Variants in TPX2 observed in about 807,000 individuals in gnomAD.
The protein encoded by TPX2 is TPX2 microtubule nucleation factor, also known as targeting protein for Xklp2.
In TPX2, 21 loss-of-function variants were observed where a neutral mutation model predicts 93.6. The observed-to-expected ratio is 0.22, with a 90% CI of 0.16 to 0.32. The LOEUF (loss-of-function observed/expected upper bound fraction) is 0.32. Ranked by LOEUF, TPX2 falls within the 10% of genes least tolerant of loss-of-function variation. The pLI is 1.00. For synonymous variants in TPX2, 281 were observed against 298.3 expected, an observed-to-expected ratio of 0.94 and a Z score of 0.60; for missense variants, 776 against 871.1, an observed-to-expected ratio of 0.89 and a Z score of 1.37.
Position 31,801,100 on chromosome 20 carries a change from A to G in TPX2, c.*20A>G. 1 of 1,608,824 alleles carries G rather than the reference A, an allele frequency of 6.2e-7. No homozygotes were observed. The highest frequency in any genetic ancestry group is 2.2e-5 in the East Asian group (1 of 44,860). On this transcript the variant is annotated 3_prime_UTR_variant, in exon 18 of 18. Transcript: ENST00000300403. ...TGCTAAACTCAGCTGTGAGCTGCGG[A>G]TACCGCCCGGCAATGGGACCTGCTC...
At chr20:31,790,821 G>T (rs2062095799) in intron 12 of TPX2, among the ~76,000 whole-genome samples, 1 of 152,184 alleles carries the variant, frequency 6.6e-6, no homozygotes, top group Admixed American at 6.5e-5. Flanking sequence ...ACTCAGGCTA[G>T]CAGGGGGAAA....
At chr20:31,795,717 T>C (rs536773820) in intron 15 of TPX2, among the ~76,000 whole-genome samples, 1 of 152,398 alleles carries the variant, frequency 6.6e-6, no homozygotes, top group Non-Finnish European at 1.5e-5. Context: ...GAGAATAGAT[T>C]GAAATATACA....
intron 2 of TPX2, among the ~76,000 whole-genome samples, chr20:31,752,113 G>A (rs975112231): frequency 2.0e-5 from 3 of 152,062 alleles, no homozygotes; most frequent in Non-Finnish European, 1.5e-5. Context: ...GAAGTCTAGA[G>A]GTATATAGTA....
At chr20:31,764,054 C>T (rs2061908057) in intron 4 of TPX2, among the ~76,000 whole-genome samples, 2 of 151,678 alleles carry the variant, frequency 1.3e-5, no homozygotes, top group Non-Finnish European at 2.9e-5. Flanking sequence ...TATACACACA[C>T]ACATACACAC....
intron 9 of TPX2, 126 bp downstream of exon 9, chr20:31,777,764 G>T: frequency 4.1e-6 from 4 of 981,650 alleles, no homozygotes; most frequent in Non-Finnish European, 5.6e-6. Context: ...ATAAAGTTGT[G>T]TAAAATATAA....
At chr20:31,782,515 T>TGCAGAGCCTACTA in intron 11 of TPX2, 125 bp downstream of exon 11, 2 of 1,243,088 alleles carry the variant, frequency 1.6e-6, no homozygotes, top group Non-Finnish European at 2.2e-6. Flanking sequence ...AGTAGTAGGC[T>TGCAGAGCCTACTA]CTGCAGGCTA....
At chr20:31,779,016 G>T in intron 10 of TPX2, 32 bp downstream of exon 10, 1 of 1,527,188 alleles carries the variant, frequency 6.5e-7, no homozygotes, top group Non-Finnish European at 8.8e-7. Context: ...CAGTTGGATG[G>T]AACCTCTCCT....
chr20:31,745,495 T>C (rs921010917), intron 2 of TPX2, among the ~76,000 whole-genome samples: 1 of 152,132 alleles, frequency 6.6e-6, no homozygotes, highest in African/African-American at 2.4e-5. Context: ...ACCTGGCTAA[T>C]TTTTGTATTT....
chr20:31,775,973 G>A lies in TPX2; in HGVS notation c.715G>A (p.Ala239Thr). 6.6e-7 allele frequency: 1 copy of A among 1,520,996 alleles called. No homozygotes were observed. The highest frequency in any genetic ancestry group is 8.9e-7 in the Non-Finnish European group (1 of 1,124,890). The allele number at this position is 1,520,996 out of a possible 1,614,324, so 94.2% of individuals were successfully genotyped here. ...RKKNEEFKKL[A>T]LAGIGQPVKK... Reference sequence around the variant, plus strand: ...AAAGAATGAAGAATTCAAGAAACTTGCTCTGGCTGGAATAGGTGAGCTTGG... The same window carrying A: ...AAAGAATGAAGAATTCAAGAAACTTACTCTGGCTGGAATAGGTGAGCTTGG... Residue 239 changes from alanine (A) to threonine (T), a missense_variant, in exon 8 of 18, where the codon GCT becomes ACT. Ala to Thr is a moderately conservative substitution (Grantham distance 58). This residue lies in a region of TPX2 where 279 missense variants were observed against 261.6 expected (regional missense o/e 1.07). Transcript: ENST00000300403.
chr20:31,746,856 A>G (rs73903643), intron 2 of TPX2, among the ~76,000 whole-genome samples: 3,386 of 152,300 alleles, frequency 0.022, 130 homozygotes, highest in African/African-American at 0.076. Context: ...AATCTTCCTA[A>G]TTTGTATTTG....
intron 16 of TPX2, among the ~76,000 whole-genome samples, 165 bp from the exon 17 acceptor site, chr20:31,798,200 T>C (rs2062149602): frequency 6.6e-6 from 1 of 152,230 alleles, no homozygotes; most frequent in East Asian, 1.9e-4. Context: ...CTTAAAATTC[T>C]AAAACTTTTT....
At chr20:31,770,913 T>C (rs2123025802) in intron 6 of TPX2, among the ~76,000 whole-genome samples, 1 of 152,100 alleles carries the variant, frequency 6.6e-6, no homozygotes, top group East Asian at 1.9e-4. Context: ...TTTTTTTTTT[T>C]TTCGTACTTG....
At chr20:31,786,254 G>C (rs1439739190) in intron 12 of TPX2, among the ~76,000 whole-genome samples, 1 of 151,704 alleles carries the variant, frequency 6.6e-6, no homozygotes, top group Non-Finnish European at 1.5e-5. Flanking sequence ...TATGATTCCA[G>C]GGTCCATGCT....
chr20:31,763,268 C>T (rs1320570813), intron 4 of TPX2, among the ~76,000 whole-genome samples: 1 of 152,020 alleles, frequency 6.6e-6, no homozygotes. Context: ...CAACCTCCGC[C>T]CCCCGGGTTC....
In TPX2 at chr20:31,778,854, C is replaced by T. The variant is rs565058479; in HGVS notation, c.924C>T (p.Asn308=). ...TKGCTIVKPF[N]LSQGKKRTFD... ...GATGTACCATTGTTAAGCCTTTCAA[C>T]CTGTCCCAAGGAAAGAAAAGAACAT... The change falls in exon 10 of 18, where the codon AAC becomes AAT. Residue 308 remains asparagine, a synonymous_variant. Coordinates refer to ENST00000300403, the MANE Select transcript of TPX2 (RefSeq NM_012112.5). 3 of 1,608,116 alleles carry T rather than the reference C, an allele frequency of 1.9e-6. No homozygotes were observed. In the South Asian group the frequency reaches 3.3e-5, roughly 18 times the overall value.
chr20:31,798,681 GA>G, intron 17 of TPX2, 129 bp downstream of exon 17: 1 of 1,141,492 alleles, frequency 8.8e-7, no homozygotes, highest in Non-Finnish European at 1.2e-6. Flanking sequence ...GTGAAAGGGG[GA>G]ATTGCACAAA....
chr20:31,770,229 A>T, intron 5 of TPX2, 114 bp from the exon 6 acceptor site: 7 of 632,722 alleles, frequency 1.1e-5, no homozygotes, highest in Non-Finnish European at 1.4e-5. Context: ...CAGAGATAAT[A>T]GCACTCCATT....
chr20:31,756,391 G>T (rs1395100846), intron 2 of TPX2, among the ~76,000 whole-genome samples: 1 of 152,100 alleles, frequency 6.6e-6, no homozygotes. Flanking sequence ...TTTGAATGAT[G>T]GATAAGATTT....
chr20:31,772,582 C>G (rs946997693), intron 7 of TPX2, among the ~76,000 whole-genome samples: 1 of 152,184 alleles, frequency 6.6e-6, no homozygotes, highest in South Asian at 2.1e-4. Flanking sequence ...ATTTTTCCAA[C>G]CTCCCTGCTG....
Sources: allele counts gnomAD v4.1 joint callset (sites outside exome capture counted in the v4.1 genomes callset), GRCh38; gene constraint gnomAD v4.1.1; regional missense constraint gnomAD v4.1.1; transcripts MANE v1.5; gene names NCBI Gene and HGNC (gene_info 2026-07-23, HGNC 2026-07-21).